SPRY3: variants seen among roughly 807,000 people sequenced by gnomAD.
SPRY3 encodes sprouty RTK signaling antagonist 3, also known as protein sprouty homolog 3.
Under a neutral mutation model 20.2 loss-of-function variants are expected in SPRY3, and 15 were observed. That is an observed-to-expected ratio of 0.74 (90% CI 0.50 to 1.14). SPRY3 has a LOEUF of 1.14. Ranked by LOEUF, SPRY3 falls within the 50% of genes most tolerant of loss-of-function variation. The pLI is 0.00. For missense variants in SPRY3, 364 were observed against 363.9 expected, an observed-to-expected ratio of 1.00 and a Z score of 0.00; for synonymous variants, 143 against 136.5, an observed-to-expected ratio of 1.05 and a Z score of -0.33.
chrX:155,774,652 C>T (rs201588474), exon 4 of SPRY3: 212 of 1,613,940 alleles, frequency 1.3e-4, no homozygotes, highest in East Asian at 2.7e-4. Context: ...ACCAGGCTGC[C>T]GCTGCAAGAG....
intron 2 of SPRY3, among the ~76,000 whole-genome samples, chrX:155,708,046 T>TGTTGA (rs1447528462): frequency 6.6e-6 from 1 of 151,338 alleles, no homozygotes; most frequent in Non-Finnish European, 1.5e-5. Context: ...TTAATTCTTC[T>TGTTGA]GTTGAGTTTT....
At chrX:155,726,885 C>T (rs1401357756) in intron 2 of SPRY3, among the ~76,000 whole-genome samples, 6 of 152,222 alleles carry the variant, frequency 3.9e-5, no homozygotes, top group Non-Finnish European at 7.4e-5. Context: ...GGTTATTTTG[C>T]CCATTAGTTG....
intron 2 of SPRY3, among the ~76,000 whole-genome samples, chrX:155,759,070 CTT>C (rs769114368): frequency 1.7e-4 from 24 of 142,446 alleles, no homozygotes; most frequent in South Asian, 2.2e-4. Flanking sequence ...CTTATTAATT[CTT>C]TTTTTTTTTT....
chrX:155,761,714 AT>A (rs59391494), intron 2 of SPRY3, among the ~76,000 whole-genome samples: 6,844 of 136,140 alleles, frequency 0.05, 395 homozygotes, highest in African/African-American at 0.15. Context: ...GCCAGCACCT[AT>A]TTTTTTTTTT....
At chrX:155,624,517 CATCT>C (rs141240143) in intron 1 of SPRY3, among the ~76,000 whole-genome samples, 15,563 of 102,177 alleles carry the variant, frequency 0.15, 1,303 homozygotes, top group African/African-American at 0.3. Context: ...ATTTATCTAT[CATCT>C]ATCTATCTAT....
intron 1 of SPRY3, among the ~76,000 whole-genome samples, chrX:155,617,099 C>T (rs1027518591): frequency 2.8e-5 from 3 of 105,463 alleles, no homozygotes; most frequent in Non-Finnish European, 5.8e-5. Context: ...GAATGCTCCT[C>T]TCACTGCAAC....
intron 1 of SPRY3, among the ~76,000 whole-genome samples, chrX:155,615,927 A>G (rs1002755770): frequency 6.8e-4 from 76 of 110,985 alleles, no homozygotes; most frequent in Admixed American, 1.2e-3. Flanking sequence ...AAAAGAGAGA[A>G]ATTTATGGGA....
chrX:155,715,956 A>G (rs762101743), intron 2 of SPRY3, among the ~76,000 whole-genome samples: 30 of 152,262 alleles, frequency 2.0e-4, no homozygotes, highest in African/African-American at 7.2e-4. Flanking sequence ...GAGGGGTGGC[A>G]TCAATGATTC....
At position 155,742,482 on chromosome X, in the gene SPRY3, A is replaced by G. The variant is rs181913272; in HGVS notation, c.-281-25480A>G. 3.1e-3 allele frequency among the ~76,000 whole-genome samples: 472 copies of G among 152,314 alleles called. 2 individuals are homozygous for G. The highest frequency in any genetic ancestry group is 0.01 in the African/African-American group (434 of 41,572). ...ATACAGGACCTGAACCCTGCTCTGG[A>G]TCAAGCAGACCTGACAGATATCTAC... is the stretch of plus-strand genomic sequence containing the variant. On this transcript the variant is annotated intron_variant, in intron 2 of 3. Transcript: ENST00000675360.
At chrX:155,779,243 A>C (rs932573002), downstream of SPRY3, 1 of 167,080 alleles carries the variant, frequency 6.0e-6, no homozygotes, top group Non-Finnish European at 1.5e-5. Flanking sequence ...AATGGGAAGG[A>C]TTGTGGCTCC....
intron 2 of SPRY3, among the ~76,000 whole-genome samples, chrX:155,678,126 G>A (rs1054196919): frequency 9.0e-6 from 1 of 111,313 alleles, no homozygotes; most frequent in East Asian, 2.8e-4. Flanking sequence ...TATTGAATGA[G>A]ATGGCCTGGA....
chrX:155,650,605 GTTTTTCAAGTCCTCTACATATTGAA>G (rs2067973944), intron 1 of SPRY3, among the ~76,000 whole-genome samples: 1 of 111,754 alleles, frequency 8.9e-6, no homozygotes, highest in Admixed American at 9.5e-5. Context: ...TATTAATTGG[GTTTTTCAAGTCCTCTACATATTGAA>G]TTTTTTGTAC....
intron 2 of SPRY3, among the ~76,000 whole-genome samples, chrX:155,706,572 C>T (rs933409882): frequency 1.2e-4 from 18 of 148,918 alleles, no homozygotes; most frequent in Non-Finnish European, 2.6e-4. Context: ...TTAAAAATAT[C>T]AACAAAATTG....
chrX:155,722,982 T>C (rs1395104907), intron 2 of SPRY3, among the ~76,000 whole-genome samples: 1 of 149,564 alleles, frequency 6.7e-6, no homozygotes, highest in Non-Finnish European at 1.5e-5. Context: ...CCGCCCTGTG[T>C]CCAAGTGTTC....
At chrX:155,749,737 A>G (rs1241219813) in intron 2 of SPRY3, among the ~76,000 whole-genome samples, 1 of 151,914 alleles carries the variant, frequency 6.6e-6, no homozygotes, top group Non-Finnish European at 1.5e-5. Context: ...GGGAACTAGA[A>G]TAACTAAGGT....
intron 2 of SPRY3, among the ~76,000 whole-genome samples, chrX:155,673,339 C>T (rs1416269484): frequency 9.0e-6 from 1 of 110,854 alleles, no homozygotes; most frequent in Non-Finnish European, 1.9e-5. Flanking sequence ...TGCTTTTAAG[C>T]TATCATTTGT....
chrX:155,651,868 A>T (rs782232674), intron 1 of SPRY3, among the ~76,000 whole-genome samples: 9 of 111,823 alleles, frequency 8.0e-5, no homozygotes, highest in Non-Finnish European at 1.5e-4. Context: ...TCGCATTGTT[A>T]TAAAGAACTA....
intron 2 of SPRY3, among the ~76,000 whole-genome samples, chrX:155,767,032 A>C (rs773973490): frequency 2.1e-4 from 32 of 152,228 alleles, no homozygotes; most frequent in South Asian, 1.0e-3. Context: ...AAAGATATTT[A>C]AATGAGACCT....
intron 2 of SPRY3, among the ~76,000 whole-genome samples, chrX:155,739,332 G>C (rs1057378290): frequency 6.6e-6 from 1 of 152,032 alleles, no homozygotes; most frequent in Non-Finnish European, 1.5e-5. Flanking sequence ...GAGCCCCCAG[G>C]GGGAGGGGCA....
Sources: allele counts gnomAD v4.1 joint callset (sites outside exome capture counted in the v4.1 genomes callset), GRCh38; gene constraint gnomAD v4.1.1; transcripts MANE v1.5; gene names NCBI Gene and HGNC (gene_info 2026-07-23, HGNC 2026-07-21).